The following HS3ST4 variants were observed in gnomAD, a reference collection of about 807,000 sequenced individuals.
HS3ST4 encodes the protein heparan sulfate glucosamine 3-O-sulfotransferase 4.
HS3ST4 carries 17 observed loss-of-function variants against 29.2 expected under a neutral mutation model. The ratio of observed to expected loss-of-function variants is 0.58; its 90% CI spans 0.40 to 0.87. The LOEUF (loss-of-function observed/expected upper bound fraction) is 0.87. HS3ST4 is among the 40% of genes least tolerant of loss of function. The pLI, the probability that HS3ST4 is intolerant of heterozygous loss-of-function variation, is 0.00. For missense variants in HS3ST4, 627 were observed against 634.5 expected, an observed-to-expected ratio of 0.99 and a Z score of 0.13; for synonymous variants, 314 against 285.7, an observed-to-expected ratio of 1.10 and a Z score of -1.00.
At chr16:25,946,959 T>A (rs778897558) in intron 1 of HS3ST4, among the ~76,000 whole-genome samples, 6 of 152,114 alleles carry the variant, frequency 3.9e-5, no homozygotes, top group Admixed American at 6.6e-5. Context: ...AATGTCCCAA[T>A]GTGGTTGGGG....
At chr16:25,870,155 A>T (rs1218528204) in intron 1 of HS3ST4, among the ~76,000 whole-genome samples, 3 of 151,712 alleles carry the variant, frequency 2.0e-5, no homozygotes, top group African/African-American at 7.3e-5. Flanking sequence ...CCATCCATCT[A>T]TCCATCATTT....
chr16:25,955,783 A>G (rs9938946), intron 1 of HS3ST4, among the ~76,000 whole-genome samples: 19,511 of 151,266 alleles, frequency 0.13, 1,374 homozygotes, highest in African/African-American at 0.16. Flanking sequence ...GTTTTGGGAG[A>G]AATATACTCA....
At position 25,875,261 on chromosome 16, in the gene HS3ST4, G is replaced by A. The variant is rs191086372; in HGVS notation, c.734+182110G>A. Among the ~76,000 whole-genome samples, 11 of 152,240 alleles carry A rather than the reference G, an allele frequency of 7.2e-5. 1 individual carries two copies. Among genetic ancestry groups the A allele is most frequent in the Admixed American group, 4.6e-4 (7 of 15,292 alleles). The stretch of plus-strand genomic sequence containing the variant: ...TACTTGTATACCTGGATGTGAGCCC[G>A]GTGGTACTAGGAGCCCTGCTACTCT... On this transcript the variant is annotated intron_variant, in intron 1 of 1. Transcript: ENST00000331351.
intron 1 of HS3ST4, among the ~76,000 whole-genome samples, chr16:25,828,288 CTTTCTTTCTTTCCCTCT>C (rs1967250577): frequency 2.3e-5 from 2 of 88,480 alleles, no homozygotes; most frequent in South Asian, 4.7e-4. Flanking sequence ...TTCTTTCTTT[CTTTCTTTCTTTCCCTCT>C]CTCTCTCTCT....
intron 1 of HS3ST4, among the ~76,000 whole-genome samples, chr16:25,779,650 A>G (rs1966850892): frequency 6.6e-6 from 1 of 152,206 alleles, no homozygotes; most frequent in South Asian, 2.1e-4. Context: ...ATTCTGAACA[A>G]AATCTACTTT....
intron 1 of HS3ST4, among the ~76,000 whole-genome samples, chr16:25,894,750 C>T (rs1482301089): frequency 6.6e-6 from 1 of 152,052 alleles, no homozygotes; most frequent in Admixed American, 6.5e-5. Flanking sequence ...AGGTGATCCA[C>T]CTGCCTCCGC....
chr16:25,871,982 G>A (rs1967758907), intron 1 of HS3ST4, among the ~76,000 whole-genome samples: 1 of 152,040 alleles, frequency 6.6e-6, no homozygotes, highest in African/African-American at 2.4e-5. Flanking sequence ...GTAGTGGCTG[G>A]GTATAGGTCC....
At chr16:25,727,435 G>A (rs58949181) in intron 1 of HS3ST4, among the ~76,000 whole-genome samples, 31,260 of 152,050 alleles carry the variant, frequency 0.21, 3,919 homozygotes, top group East Asian at 0.54. Flanking sequence ...AAATATGTTT[G>A]TATTACTTCA....
At chr16:25,944,661 G>C (rs1017818415) in intron 1 of HS3ST4, among the ~76,000 whole-genome samples, 1 of 152,186 alleles carries the variant, frequency 6.6e-6, no homozygotes, top group Non-Finnish European at 1.5e-5. Flanking sequence ...TAACAGGTGT[G>C]GTGTGGGTGT....
At chr16:26,033,285 G>A (rs370607613) in intron 1 of HS3ST4, among the ~76,000 whole-genome samples, 20 of 152,206 alleles carry the variant, frequency 1.3e-4, no homozygotes, top group Non-Finnish European at 5.9e-5. Flanking sequence ...GGAGGCCAAG[G>A]CAGGCAGATC....
rs1346395251 is a variant in HS3ST4, at chr16:26,014,594, A to G, written c.735-121018A>G. Among the ~76,000 whole-genome samples the G allele has an allele frequency of 5.9e-5, 9 of 152,186 alleles. No homozygotes were observed. The East Asian group carries it at 1.5e-3, about 26-fold the overall frequency. On this transcript the variant is annotated intron_variant, in intron 1 of 1. Coordinates refer to ENST00000331351, the MANE Select transcript of HS3ST4 (RefSeq NM_006040.3). Reference sequence around the variant, plus strand: ...CCACTTATTAGCGAGAGCACACTGTATTTCATTTTCTGCTCCTACTTTAGT... The same window carrying G: ...CCACTTATTAGCGAGAGCACACTGTGTTTCATTTTCTGCTCCTACTTTAGT...
intron 1 of HS3ST4, among the ~76,000 whole-genome samples, chr16:25,829,597 G>A (rs891532374): frequency 6.6e-6 from 1 of 151,916 alleles, no homozygotes; most frequent in Admixed American, 6.6e-5. Flanking sequence ...ACAGGCCCCG[G>A]TGTGTGATGT....
chr16:25,931,748 G>T (rs1009072770), intron 1 of HS3ST4, among the ~76,000 whole-genome samples: 2 of 152,250 alleles, frequency 1.3e-5, no homozygotes, highest in Admixed American at 6.5e-5. Flanking sequence ...TTATTAAAAT[G>T]CAGAATTCGT....
At chr16:25,914,157 G>C (rs1968268669) in intron 1 of HS3ST4, among the ~76,000 whole-genome samples, 1 of 148,626 alleles carries the variant, frequency 6.7e-6, no homozygotes, top group South Asian at 2.2e-4. Context: ...TGTGATGTGT[G>C]TATGTGGGGT....
intron 1 of HS3ST4, among the ~76,000 whole-genome samples, chr16:25,787,806 T>C (rs1966859832): frequency 6.6e-6 from 1 of 152,182 alleles, no homozygotes; most frequent in Admixed American, 6.5e-5. Flanking sequence ...GTTAGAAAAT[T>C]CATATGATTT....
intron 1 of HS3ST4, among the ~76,000 whole-genome samples, chr16:26,110,945 A>G (rs1192770916): frequency 6.6e-6 from 1 of 152,126 alleles, no homozygotes. Flanking sequence ...CTAGAGAGCC[A>G]TGTAGTTTGT....
At chr16:26,070,442 A>G (rs894372222) in intron 1 of HS3ST4, among the ~76,000 whole-genome samples, 7 of 152,226 alleles carry the variant, frequency 4.6e-5, no homozygotes, top group African/African-American at 1.7e-4. Context: ...TCCTGGGAGC[A>G]TAGCCCAGAT....
intron 1 of HS3ST4, among the ~76,000 whole-genome samples, chr16:25,920,628 G>C (rs1191518618): frequency 6.8e-6 from 1 of 146,050 alleles, no homozygotes; most frequent in Non-Finnish European, 1.5e-5. Flanking sequence ...TTTGAAACAG[G>C]ATCTCGCTGT....
Position 26,136,334 on chromosome 16 carries a change from C to T in HS3ST4, c.*86C>T, listed in dbSNP as rs776145450. The T allele has an allele frequency of 3.9e-6, 5 of 1,279,896 alleles. No homozygotes were observed. Among genetic ancestry groups the T allele is most frequent in the Non-Finnish European group, 4.2e-6 (4 of 943,464 alleles). The allele number at this position is 1,279,896 out of a possible 1,614,324, so 79.3% of individuals were successfully genotyped here. Reference sequence around the variant, plus strand: ...GAATACCCCAGCTTCTGCAGCTTCACTTGCTGGAGTGCCAAGTAGATCTCC... The same window carrying T: ...GAATACCCCAGCTTCTGCAGCTTCATTTGCTGGAGTGCCAAGTAGATCTCC... On this transcript the variant is annotated 3_prime_UTR_variant, in exon 2 of 2. Transcript: ENST00000331351.
Sources: gnomAD v4.1 joint callset for allele counts (sites outside exome capture counted in the v4.1 genomes callset) on GRCh38, gnomAD v4.1.1 for gene constraint, MANE v1.5 for transcripts, NCBI Gene and HGNC (gene_info 2026-07-23, HGNC 2026-07-21) for gene names.